SF3B1: variants seen among roughly 807,000 people sequenced by gnomAD.
The protein encoded by SF3B1 is pre-mRNA processing 10.
In SF3B1, 12 loss-of-function variants were observed where a neutral mutation model predicts 153.8. The observed-to-expected ratio is 0.08, with a 90% confidence interval of 0.05 to 0.13. The LOEUF is 0.13. Ranked by LOEUF, SF3B1 falls within the 10% of genes least tolerant of loss-of-function variation. The pLI, the probability that SF3B1 is intolerant of heterozygous loss-of-function variation, is 1.00. For missense variants in SF3B1, 513 were observed against 1,606.1 expected (o/e 0.32, Z 11.63); for synonymous variants, 498 against 525.2 (o/e 0.95, Z 0.71).
intron 1 of SF3B1, among the ~76,000 whole-genome samples, chr2:197,432,089 A>C (rs2085448832): frequency 6.6e-6 from 1 of 152,238 alleles, no homozygotes; most frequent in Admixed American, 6.5e-5. Context: ...ACGCCACTGC[A>C]CTCCAACCTG....
rs1433831921 is a variant in SF3B1, at chr2:197,423,820, A to C, written c.183T>G (p.Thr61=). ...ATTTGTAACTTACATCTTCAAGTTC[A>C]GTTGCAGCAATTGATGTCACGTATC... ...FAGYVTSIAA[T]ELEDDDDDYS... Residue 61 remains threonine, a synonymous_variant, in exon 2 of 25, where the codon ACT becomes ACG. Coordinates refer to ENST00000335508, the MANE Select transcript of SF3B1 (RefSeq NM_012433.4). 3 of 1,613,356 alleles carry C rather than the reference A, an allele frequency of 1.9e-6. No individual in the cohort carries two copies. The highest frequency in any genetic ancestry group is 2.5e-6 in the Non-Finnish European group (3 of 1,179,850).
rs2084791198 is a variant in SF3B1 at position 197,389,836 on chromosome 2, C to A, written c.*2467G>T. 1 of 151,942 alleles carries A rather than the reference C, an allele frequency of 6.6e-6. No homozygotes were observed. Among genetic ancestry groups the A allele is most frequent in the Non-Finnish European group, 1.5e-5 (1 of 67,998 alleles). 9.4% of individuals were successfully genotyped at this position (151,942 alleles called of 1,614,324 possible). A position where few individuals can be genotyped will look rare whatever the true frequency, so the allele number is the denominator to read the frequency against. On this transcript the variant is annotated 3_prime_UTR_variant, in exon 25 of 25. Transcript: ENST00000335508. Reference sequence around the variant, plus strand: ...AGTGGTACTTGGTGCTCACAGGGCACTGTACAACAAATTTTAAAAATACAA... The same window carrying A: ...AGTGGTACTTGGTGCTCACAGGGCAATGTACAACAAATTTTAAAAATACAA...
chr2:197,392,371 G>T lies in SF3B1; in HGVS notation c.3847C>A (p.His1283Asn). Residue 1283 changes from histidine to asparagine, a missense_variant, in exon 25 of 25, where the codon CAT becomes AAT. Coordinates refer to ENST00000335508, the MANE Select transcript of SF3B1 (RefSeq NM_012433.4). ...YIGSQDALIA[H>N]YPRIYNDDKN... ...TCATCGTTGTAGATTCTTGGGTAAT[G>T]TGCTATGAGAGCGTCCTGGGAACCA... 1 of 1,597,572 alleles carries T rather than the reference G, an allele frequency of 6.3e-7. No homozygotes were observed. Among genetic ancestry groups the T allele is most frequent in the Non-Finnish European group, 8.6e-7 (1 of 1,165,080 alleles).
chr2:197,403,421 A>G (rs2084955887), intron 12 of SF3B1, among the ~76,000 whole-genome samples, 164 bp downstream of exon 12: 2 of 152,252 alleles, frequency 1.3e-5, no homozygotes, highest in Non-Finnish European at 2.9e-5. Flanking sequence ...TACGGCAAAG[A>G]TGACAAAAAC....
At chr2:197,398,286 ACATTGCCACCCC>A (rs2084898626) in intron 21 of SF3B1, among the ~76,000 whole-genome samples, 163 bp downstream of exon 21, 2 of 152,240 alleles carry the variant, frequency 1.3e-5, no homozygotes, top group Non-Finnish European at 2.9e-5. Flanking sequence ...TCCTAAAATT[ACATTGCCACCCC>A]CATTACCATC....
At chr2:197,393,740 C>T (rs1232162075) in intron 23 of SF3B1, among the ~76,000 whole-genome samples, 1 of 152,082 alleles carries the variant, frequency 6.6e-6, no homozygotes, top group Non-Finnish European at 1.5e-5. Flanking sequence ...CGTGAGCCAC[C>T]GTGCCTGGCC....
At position 197,402,230 on chromosome 2, in the gene SF3B1, C is replaced by CA; in HGVS notation, c.2078-101dup. On this transcript the variant is annotated intron_variant, in intron 14 of 24. Transcript: ENST00000335508. This position sits in a 1 kb window ranked among gnomAD's most constrained non-coding sequence, Gnocchi z 4.6. ...ATATATCAACTATTCAGCCAAACTGCAGAATATGTTCACATTAAACAAAAT... is the reference window on the plus strand; with the variant it reads ...ATATATCAACTATTCAGCCAAACTGCAAGAATATGTTCACATTAAACAAAAT... The CA allele has an allele frequency of 7.2e-7, 1 of 1,386,226 alleles. No homozygotes were observed. 85.9% of individuals were successfully genotyped at this position (1,386,226 alleles called of 1,614,324 possible).
At chr2:197,421,660 G>A (rs1365018532) in intron 2 of SF3B1, among the ~76,000 whole-genome samples, 6 of 152,122 alleles carry the variant, frequency 3.9e-5, no homozygotes, top group Non-Finnish European at 7.4e-5. Flanking sequence ...TGGCTTGAGT[G>A]TAGGAGTTTT....
chr2:197,434,908 A>C (rs2085498803), intron 1 of SF3B1, 64 bp downstream of exon 1: 2 of 1,541,078 alleles, frequency 1.3e-6, no homozygotes, highest in African/African-American at 2.7e-5. Context: ...GCAGAATCCT[A>C]GGAAAAAAGG....
chr2:197,420,622 C>A, intron 3 of SF3B1, 80 bp from the exon 4 acceptor site: 1 of 842,576 alleles, frequency 1.2e-6, no homozygotes, highest in East Asian at 2.5e-5. Context: ...ATCAGAACAC[C>A]ATAAAGCACA....
intron 9 of SF3B1, among the ~76,000 whole-genome samples, chr2:197,405,975 A>G (rs2084986794): frequency 6.6e-6 from 1 of 152,128 alleles, no homozygotes. Context: ...CATAAAAACT[A>G]AAACCAAAAT....
At chr2:197,429,455 T>C (rs2085391229) in intron 1 of SF3B1, among the ~76,000 whole-genome samples, 1 of 152,022 alleles carries the variant, frequency 6.6e-6, no homozygotes, top group Non-Finnish European at 1.5e-5. Flanking sequence ...CTGTAAACAT[T>C]TGTTTAGAGG....
intron 20 of SF3B1, chr2:197,399,025 G>C (rs756963849): frequency 1.5e-6 from 2 of 1,294,446 alleles, no homozygotes; most frequent in Non-Finnish European, 1.0e-6. Context: ...GGCATACTTG[G>C]ATGGTATTTA....
At chr2:197,423,042 T>TC (rs1266975949) in intron 2 of SF3B1, among the ~76,000 whole-genome samples, 1 of 152,070 alleles carries the variant, frequency 6.6e-6, no homozygotes, top group Non-Finnish European at 1.5e-5. Flanking sequence ...AAGGCAGTCC[T>TC]CCTCCATAGG....
intron 6 of SF3B1, among the ~76,000 whole-genome samples, chr2:197,412,118 A>AG (rs1340670924): frequency 6.6e-6 from 1 of 151,456 alleles, no homozygotes; most frequent in East Asian, 1.9e-4. Flanking sequence ...AAAAAAAAAA[A>AG]AAAAAAAAGA....
At chr2:197,414,091 A>G (rs2085111964) in intron 6 of SF3B1, among the ~76,000 whole-genome samples, 1 of 152,168 alleles carries the variant, frequency 6.6e-6, no homozygotes, top group African/African-American at 2.4e-5. Flanking sequence ...TACAGGCCTG[A>G]GCCACTCTGC....
intron 5 of SF3B1, among the ~76,000 whole-genome samples, chr2:197,417,338 C>A (rs554104379): frequency 1.7e-4 from 26 of 152,054 alleles, no homozygotes; most frequent in African/African-American, 6.0e-4. Flanking sequence ...TGTAAATATG[C>A]ATAGTGATAA....
At chr2:197,424,423 C>G (rs2085298584) in intron 1 of SF3B1, among the ~76,000 whole-genome samples, 1 of 151,766 alleles carries the variant, frequency 6.6e-6, no homozygotes, top group Non-Finnish European at 1.5e-5. Context: ...ATCACTTTAA[C>G]CCGGGAGGCG....
Position 197,392,082 on chromosome 2 carries a change from T to C in SF3B1, c.*221A>G. 3.0e-6 allele frequency: 1 copy of C among 337,918 alleles called. No homozygotes were observed. The highest frequency in any genetic ancestry group is 5.3e-6 in the Non-Finnish European group (1 of 187,206). 20.9% of individuals were successfully genotyped at this position (337,918 alleles called of 1,614,324 possible). A position where few individuals can be genotyped will look rare whatever the true frequency, so the allele number is the denominator to read the frequency against. ...TGAATTAAAAATGAAATCCCTCCAGTATAGTGTATATAATCACTGTGTTCT... is the reference window on the plus strand; with the variant it reads ...TGAATTAAAAATGAAATCCCTCCAGCATAGTGTATATAATCACTGTGTTCT... On this transcript the variant is annotated 3_prime_UTR_variant, in exon 25 of 25. Coordinates refer to ENST00000335508, the MANE Select transcript of SF3B1 (RefSeq NM_012433.4).
Sources: allele counts gnomAD v4.1 joint callset (sites outside exome capture counted in the v4.1 genomes callset), GRCh38; gene constraint gnomAD v4.1.1; non-coding constraint Gnocchi (gnomAD v3.1); transcripts MANE v1.5; gene names NCBI Gene and HGNC (gene_info 2026-07-23, HGNC 2026-07-21).